PIWIL4: variants seen among roughly 807,000 people sequenced by gnomAD.
The protein encoded by PIWIL4 is piwi-like protein 4.
PIWIL4 carries 50 observed loss-of-function variants against 100.9 expected under a neutral mutation model. That is an observed-to-expected ratio of 0.50 (90% CI 0.39 to 0.63). The LOEUF (loss-of-function observed/expected upper bound fraction) is 0.63. PIWIL4 is among the 20% of genes least tolerant of loss of function. The pLI is 0.00. For synonymous variants in PIWIL4, 342 were observed against 367.5 expected (o/e 0.93, Z 0.79); for missense variants, 887 against 1,043.3 (o/e 0.85, Z 2.06).
chr11:94,601,646 G>T, intron 11 of PIWIL4, 149 bp from the exon 12 acceptor site: 1 of 747,062 alleles, frequency 1.3e-6, no homozygotes, highest in South Asian at 1.6e-5. Context: ...ATTCTGTTCG[G>T]ATGTGCAGTG....
At chr11:94,612,353 AG>A (rs1375498084) in intron 15 of PIWIL4, among the ~76,000 whole-genome samples, 3 of 148,978 alleles carry the variant, frequency 2.0e-5, no homozygotes, top group Non-Finnish European at 4.4e-5. Context: ...ATTTTGCCTA[AG>A]TTTAGCTACC....
intron 14 of PIWIL4, 84 bp from the exon 15 acceptor site, chr11:94,608,499 T>C: frequency 1.7e-6 from 2 of 1,152,830 alleles, no homozygotes; most frequent in Non-Finnish European, 2.6e-6. Flanking sequence ...AACTGGAGTC[T>C]GTTTTTAAAA....
chr11:94,580,503 C>G (rs1284840425), intron 4 of PIWIL4, among the ~76,000 whole-genome samples: 8 of 152,198 alleles, frequency 5.3e-5, no homozygotes, highest in African/African-American at 1.9e-4. Flanking sequence ...TGTTGCTATT[C>G]ATGTCCACAT....
intron 2 of PIWIL4, among the ~76,000 whole-genome samples, chr11:94,574,441 G>A (rs1948208328): frequency 6.6e-6 from 1 of 152,208 alleles, no homozygotes; most frequent in Admixed American, 6.5e-5. Context: ...GGGAGGGAGG[G>A]CTTTCTCCTT....
At chr11:94,598,018 G>T (rs1348135852) in intron 11 of PIWIL4, 103 bp downstream of exon 11, 2 of 810,066 alleles carry the variant, frequency 2.5e-6, no homozygotes, top group East Asian at 5.4e-5. Flanking sequence ...ATTTGGTTTG[G>T]CCATGTACTT....
intron 13 of PIWIL4, among the ~76,000 whole-genome samples, chr11:94,604,982 T>A (rs1948695835): frequency 6.6e-6 from 1 of 152,200 alleles, no homozygotes; most frequent in Admixed American, 6.5e-5. Flanking sequence ...CAAACAACTC[T>A]CTCATATACC....
In PIWIL4 at chr11:94,593,502, A is replaced by G; in HGVS notation, c.1027-16A>G. The G allele has an allele frequency of 6.2e-7, 1 of 1,609,994 alleles. No homozygotes were observed. The highest frequency in any genetic ancestry group is 1.7e-4 in the Middle Eastern group (1 of 6,048). On this transcript the variant is annotated splice_polypyrimidine_tract_variant and intron_variant, in intron 8 of 19. Transcript: ENST00000299001. ...TTCCATGTTAACTTTTTACTTATTA[A>G]TCTTGCATTTTATAGCAGTATGATA...
intron 11 of PIWIL4, among the ~76,000 whole-genome samples, chr11:94,600,163 TG>T (rs1174991815): frequency 1.3e-5 from 2 of 152,170 alleles, no homozygotes; most frequent in Admixed American, 6.5e-5. Flanking sequence ...CTGTTTTTCC[TG>T]GTCACATGAG....
At chr11:94,575,407 C>A (rs1180526302) in intron 3 of PIWIL4, among the ~76,000 whole-genome samples, 3 of 152,120 alleles carry the variant, frequency 2.0e-5, no homozygotes, top group Admixed American at 6.5e-5. Flanking sequence ...TCTTCTCTTT[C>A]CCAACATGGG....
chr11:94,577,550 T>TAC (rs1948255091), intron 4 of PIWIL4, 58 bp downstream of exon 4: 4 of 1,324,806 alleles, frequency 3.0e-6, no homozygotes, highest in Admixed American at 2.1e-5. Flanking sequence ...TATATGTGTA[T>TAC]ACACACACAC....
intron 15 of PIWIL4, among the ~76,000 whole-genome samples, chr11:94,615,953 T>C (rs1219028591): frequency 1.3e-5 from 2 of 152,244 alleles, no homozygotes; most frequent in Non-Finnish European, 2.9e-5. Flanking sequence ...AATGTTAAGA[T>C]TTCTAATCCA....
At chr11:94,607,196 T>C (rs1226391257) in intron 13 of PIWIL4, among the ~76,000 whole-genome samples, 1 of 151,632 alleles carries the variant, frequency 6.6e-6, no homozygotes, top group Admixed American at 6.6e-5. Flanking sequence ...CCAAGGGAAA[T>C]GGGTAGGAGT....
intron 4 of PIWIL4, among the ~76,000 whole-genome samples, chr11:94,581,949 A>G (rs1052719203): frequency 1.3e-5 from 2 of 152,256 alleles, no homozygotes; most frequent in Non-Finnish European, 2.9e-5. Context: ...GAGATAGATC[A>G]GAGACATTCC....
In PIWIL4 at chr11:94,620,124, C is replaced by T. The variant is rs1382533497; in HGVS notation, c.2422C>T (p.His808Tyr). 1.9e-6 allele frequency: 3 copies of T among 1,605,760 alleles called. No individual in the cohort carries two copies. Among genetic ancestry groups the T allele is most frequent in the East Asian group, 2.2e-5 (1 of 44,826 alleles). Reference sequence around the variant, plus strand: ...GCAGAGACTTACATTCAAATTGTGCCACCTGTACTACAACTGGCCGGTGAG... The same window carrying T: ...GCAGAGACTTACATTCAAATTGTGCTACCTGTACTACAACTGGCCGGTGAG... Reference protein sequence around the residue: ...HMQRLTFKLCHLYYNWPGIVS... With the variant: ...HMQRLTFKLCYLYYNWPGIVS... The change falls in exon 19 of 20, where the codon CAC (histidine) becomes TAC (tyrosine). Residue 808 changes from histidine (H) to tyrosine (Y), a missense_variant. Physicochemically the swap from His to Tyr is moderately conservative, Grantham distance 83. This residue lies in a region of PIWIL4 where 741 missense variants were observed against 930.0 expected (regional missense o/e 0.80). Transcript: ENST00000299001.
chr11:94,589,601 C>T (rs866371184), intron 8 of PIWIL4, among the ~76,000 whole-genome samples: 9 of 152,286 alleles, frequency 5.9e-5, no homozygotes, highest in Middle Eastern at 3.4e-3. Flanking sequence ...TTCCCATTCC[C>T]CTGCTCCCTT....
rs955195330 is a variant in PIWIL4, at chr11:94,595,368, C to A, written c.1210C>A (p.Arg404Ser). Residue 404 changes from arginine (R) to serine (S), a missense_variant, in exon 10 of 20, where the codon CGT becomes AGT. Physicochemically the swap from Arg to Ser is moderately radical, Grantham distance 110. Coordinates refer to ENST00000299001, the MANE Select transcript of PIWIL4 (RefSeq NM_152431.3). ...QLMKAVAEKT[R>S]LSPSGRQQRL... The stretch of plus-strand genomic sequence containing the variant: ...GATGAAGGCTGTGGCTGAAAAGACA[C>A]GTCTCAGTCCTTCAGGCCGGCAGCA... 4.6e-5 allele frequency: 75 copies of A among 1,613,904 alleles called. No individual in the cohort carries two copies. The highest frequency in any genetic ancestry group is 6.3e-5 in the Non-Finnish European group (74 of 1,179,898).
In PIWIL4 at chr11:94,571,411, A is replaced by G. The variant is rs140986425; in HGVS notation, c.166+2603A>G. Among the ~76,000 whole-genome samples, 950 of 152,180 alleles carry G rather than the reference A, an allele frequency of 6.2e-3. 10 individuals carry two copies. The highest frequency in any genetic ancestry group is 0.021 in the African/African-American group (888 of 41,510). On this transcript the variant is annotated intron_variant, in intron 2 of 19. Coordinates refer to ENST00000299001, the MANE Select transcript of PIWIL4 (RefSeq NM_152431.3). ...TTAACTCGTCATTTACATTAGGTAT[A>G]TCTCCTAATACTATCCCTGCCCCCT... is the stretch of plus-strand genomic sequence containing the variant.
intron 4 of PIWIL4, among the ~76,000 whole-genome samples, chr11:94,580,996 T>G (rs1290898539): frequency 6.6e-6 from 1 of 151,372 alleles, no homozygotes; most frequent in African/African-American, 2.4e-5. Flanking sequence ...CCTCCTGGGT[T>G]TCAAGCAATT....
intron 15 of PIWIL4, among the ~76,000 whole-genome samples, chr11:94,613,505 T>C (rs76644264): frequency 0.06 from 9,152 of 152,278 alleles, 533 homozygotes; most frequent in East Asian, 0.19. Flanking sequence ...TCTTTCCAGA[T>C]TCAAGAACAT....
Sources: gnomAD v4.1 joint callset for allele counts (sites outside exome capture counted in the v4.1 genomes callset) on GRCh38, gnomAD v4.1.1 for gene constraint, gnomAD v4.1.1 regional missense constraint, MANE v1.5 for transcripts, NCBI Gene and HGNC (gene_info 2026-07-23, HGNC 2026-07-21) for gene names.